ZBTB45: variants seen among roughly 807,000 people sequenced by gnomAD.
ZBTB45 encodes the protein zinc finger and BTB domain containing 45.
In ZBTB45, 22 loss-of-function variants were observed where a neutral mutation model predicts 28.4. The observed-to-expected ratio is 0.77, with a 90% confidence interval of 0.55 to 1.10. ZBTB45 has a LOEUF of 1.10. Among genes scored for constraint, ZBTB45 ranks in the 50% least tolerant of loss-of-function variants. The pLI, the probability that ZBTB45 is intolerant of heterozygous loss-of-function variation, is 0.00. For synonymous variants in ZBTB45, 361 were observed against 332.3 expected (o/e 1.09, Z -0.94); for missense variants, 656 against 750.2 (o/e 0.87, Z 1.47).
chr19:58,524,739 T>C (rs1196434989), upstream of ZBTB45, among the ~76,000 whole-genome samples: 2 of 151,358 alleles, frequency 1.3e-5, no homozygotes, highest in Non-Finnish European at 2.9e-5. Context: ...AAAAATTAGC[T>C]GGGCGTGGTG....
At position 58,538,487 on chromosome 19, in the gene ZBTB45, T is replaced by C. The variant is rs937179375; in HGVS notation, c.-1+214A>G. 1.2e-3 allele frequency among the ~76,000 whole-genome samples: 187 copies of C among 151,190 alleles called. 1 individual carries two copies. Among genetic ancestry groups the C allele is most frequent in the African/African-American group, 4.4e-3 (180 of 41,050 alleles). ...GGCGGTGACTATGCCGCGGATGGGG[T>C]GGGCCCAGATCTGGGGGGCCGCGCG... On this transcript the variant is annotated intron_variant, in intron 1 of 1. Transcript: ENST00000600130.
intron 1 of ZBTB45, among the ~76,000 whole-genome samples, chr19:58,537,480 A>G (rs932557821): frequency 1.3e-5 from 2 of 152,116 alleles, no homozygotes; most frequent in African/African-American, 4.8e-5. Context: ...AGGGCCTGTT[A>G]TGAGGGGCAG....
In ZBTB45 at chr19:58,514,323, G is replaced by A; in HGVS notation, c.1280-13C>T. ...TGCGGCTTCTCCCCTGCGGAAGACA[G>A]GGCGGGCCGCGAACGCAAGTCAGAC... is the stretch of plus-strand genomic sequence containing the variant. On this transcript the variant is annotated splice_polypyrimidine_tract_variant and intron_variant, in intron 2 of 2. Transcript: ENST00000594051. 6.3e-7 allele frequency: 1 copy of A among 1,586,620 alleles called. No homozygotes were observed. The highest frequency in any genetic ancestry group is 8.6e-7 in the Non-Finnish European group (1 of 1,162,088).
intron 1 of ZBTB45, among the ~76,000 whole-genome samples, chr19:58,525,922 T>C (rs1411771353): frequency 1.3e-5 from 2 of 152,136 alleles, no homozygotes; most frequent in Non-Finnish European, 2.9e-5. Context: ...TTGGATTAAT[T>C]CTGAAGAGTT....
intron 1 of ZBTB45, among the ~76,000 whole-genome samples, chr19:58,528,883 G>T (rs991063309): frequency 6.6e-6 from 1 of 150,718 alleles, no homozygotes. Flanking sequence ...GACAGAGCGA[G>T]ACTCTGTCTC....
Position 58,532,074 on chromosome 19 carries a change from G to A in ZBTB45, c.-1+6627C>T, listed in dbSNP as rs115940874. 2.7e-3 allele frequency among the ~76,000 whole-genome samples: 404 copies of A among 152,204 alleles called. 1 individual carries two copies. The highest frequency in any genetic ancestry group is 9.2e-3 in the African/African-American group (383 of 41,510). On this transcript the variant is annotated intron_variant, in intron 1 of 1. Transcript: ENST00000600130. ...AGCTACAGGATGCTTTGGGAAGGCA[G>A]CAAACAGAAGGGGCGAGGGCACCCA...
rs1436538964 is a variant in ZBTB45, at chr19:58,516,777, G to C, written c.897C>G (p.Pro299=). The C allele has an allele frequency of 6.2e-7, 1 of 1,613,792 alleles. No individual in the cohort carries two copies. The highest frequency in any genetic ancestry group is 1.7e-5 in the Admixed American group (1 of 60,010). The part of the protein sequence containing the change: ...STWHDEDGAV[P]EGCPTETPVQ... The stretch of plus-strand genomic sequence containing the variant: ...CAGGGGTCTCAGTGGGACAGCCTTC[G>C]GGGACAGCGCCATCCTCGTCGTGCC... The change falls in exon 2 of 3, where the codon CCC becomes CCG. Residue 299 remains proline (P), a synonymous_variant. Coordinates refer to ENST00000594051, the MANE Select transcript of ZBTB45 (RefSeq NM_001316979.2). This position sits in a 1 kb window ranked among gnomAD's most constrained non-coding sequence, Gnocchi z 6.2.
chr19:58,538,117 C>T (rs531838263), intron 1 of ZBTB45, among the ~76,000 whole-genome samples: 52 of 152,144 alleles, frequency 3.4e-4, no homozygotes, highest in Non-Finnish European at 6.0e-4. Context: ...GGATTACAGA[C>T]GTGAGCCACC....
In ZBTB45 at chr19:58,514,002, A is replaced by G; in HGVS notation, c.*52T>C. On this transcript the variant is annotated 3_prime_UTR_variant, in exon 3 of 3. Transcript: ENST00000594051. ...ACGGGTCCCGCAGCGGGCGTGGCCG[A>G]CTGTGCGGGAGGCCCCGGATCCACC... 7.4e-7 allele frequency: 1 copy of G among 1,352,790 alleles called. No individual in the cohort carries two copies. The highest frequency in any genetic ancestry group is 3.9e-5 in the Admixed American group (1 of 25,676). The allele number at this position is 1,352,790 out of a possible 1,614,324, so 83.8% of individuals were successfully genotyped here. A position where few individuals can be genotyped will look rare whatever the true frequency, so the allele number is the denominator to read the frequency against.
At chr19:58,535,532 G>A (rs1411148305) in intron 1 of ZBTB45, among the ~76,000 whole-genome samples, 1 of 152,006 alleles carries the variant, frequency 6.6e-6, no homozygotes, top group African/African-American at 2.4e-5. Flanking sequence ...CTACTCAGGA[G>A]GATCAGGCAG....
intron 1 of ZBTB45, among the ~76,000 whole-genome samples, chr19:58,530,808 C>A (rs2053632315): frequency 6.6e-6 from 1 of 152,008 alleles, no homozygotes; most frequent in Admixed American, 6.6e-5. Flanking sequence ...CTCAGCCTCC[C>A]AAGTAGCTGG....
At chr19:58,524,679 C>T (rs1023071657), upstream of ZBTB45, among the ~76,000 whole-genome samples, 2 of 151,872 alleles carry the variant, frequency 1.3e-5, no homozygotes, top group South Asian at 2.1e-4. Flanking sequence ...GTCAGGAGAT[C>T]GAGACCATCC....
At position 58,516,093 on chromosome 19, in the gene ZBTB45, C is replaced by G. The variant is rs934737840; in HGVS notation, c.1279+302G>C. On this transcript the variant is annotated intron_variant, in intron 2 of 2. Transcript: ENST00000594051. This position sits in a 1 kb window ranked among gnomAD's most constrained non-coding sequence, Gnocchi z 6.2. ...GGACCTCCTGCCAAGGCTCCATACC[C>G]ATCATGTGCATCCCAGGCTGCTCAA... 3.3e-5 allele frequency among the ~76,000 whole-genome samples: 5 copies of G among 152,158 alleles called. No homozygotes were observed. The highest frequency in any genetic ancestry group is 9.7e-5 in the African/African-American group (4 of 41,424).
chr19:58,524,614 T>C (rs886921030), upstream of ZBTB45, among the ~76,000 whole-genome samples: 3 of 151,844 alleles, frequency 2.0e-5, no homozygotes, highest in African/African-American at 7.3e-5. Flanking sequence ...CCGGGTGCAG[T>C]GGCTCACACC....
intron 1 of ZBTB45, among the ~76,000 whole-genome samples, chr19:58,531,161 G>A (rs979776386): frequency 1.3e-5 from 2 of 152,136 alleles, no homozygotes; most frequent in Non-Finnish European, 2.9e-5. Flanking sequence ...GTCATTTTCA[G>A]TTATTTTTAT....
rs556348657 is a variant in ZBTB45, at chr19:58,516,091, C to T, written c.1279+304G>A. On this transcript the variant is annotated intron_variant, in intron 2 of 2. Transcript: ENST00000594051. The surrounding 1 kb of genome is among the most constrained non-coding windows in gnomAD (Gnocchi z 6.2). ...CAGGACCTCCTGCCAAGGCTCCATA[C>T]CCATCATGTGCATCCCAGGCTGCTC... Among the ~76,000 whole-genome samples the T allele has an allele frequency of 7.2e-5, 11 of 152,242 alleles. No individual in the cohort carries two copies. The East Asian group carries it at 2.1e-3, about 29-fold the overall frequency.
intron 1 of ZBTB45, among the ~76,000 whole-genome samples, chr19:58,537,059 C>A (rs1001285268): frequency 6.6e-6 from 1 of 152,124 alleles, no homozygotes; most frequent in African/African-American, 2.4e-5. Context: ...CTGCCATATA[C>A]TTATGGACCT....
intron 1 of ZBTB45, among the ~76,000 whole-genome samples, chr19:58,528,899 A>G (rs2053621615): frequency 6.6e-6 from 1 of 151,714 alleles, no homozygotes; most frequent in African/African-American, 2.4e-5. Context: ...GTCTCAAAAA[A>G]TAATAATAAT....
chr19:58,521,869 C>T (rs2053580639), upstream of ZBTB45, among the ~76,000 whole-genome samples: 1 of 152,120 alleles, frequency 6.6e-6, no homozygotes, highest in Non-Finnish European at 1.5e-5. Flanking sequence ...AAAGAGGGAA[C>T]CAACTGTCCA....
Sources: allele counts gnomAD v4.1 joint callset (sites outside exome capture counted in the v4.1 genomes callset), GRCh38; gene constraint gnomAD v4.1.1; non-coding constraint Gnocchi (gnomAD v3.1); transcripts MANE v1.5; gene names NCBI Gene and HGNC (gene_info 2026-07-23, HGNC 2026-07-21).